PCLO: variants seen among roughly 807,000 people sequenced by gnomAD.
The protein encoded by PCLO is piccolo presynaptic cytomatrix protein.
PCLO carries 82 observed loss-of-function variants against 427.5 expected under a neutral mutation model. The ratio of observed to expected loss-of-function variants is 0.19; its 90% CI spans 0.16 to 0.23. The LOEUF (loss-of-function observed/expected upper bound fraction) is 0.23. Ranked by LOEUF, PCLO falls within the 10% of genes least tolerant of loss-of-function variation. The pLI, the probability that PCLO is intolerant of heterozygous loss-of-function variation, is 1.00. For synonymous variants in PCLO, 2,357 were observed against 2,155.4 expected (o/e 1.09, Z -2.59); for missense variants, 6,239 against 6,115.9 (o/e 1.02, Z -0.67).
rs186037103 is a variant in PCLO, at chr7:82,972,915, C to T, written c.3301-6428G>A. Among the ~76,000 whole-genome samples, 287 of 152,142 alleles carry T rather than the reference C, an allele frequency of 1.9e-3. 11 individuals carry two copies. Among genetic ancestry groups the T allele is most frequent in the Non-Finnish European group, 2.1e-3 (143 of 67,928 alleles). ...ACACCAATTGGGGAGCAATGTTACC[C>T]GTAACTTGTCATTTTTATCAATGTT... On this transcript the variant is annotated intron_variant, in intron 3 of 24. Coordinates refer to ENST00000333891, the MANE Select transcript of PCLO (RefSeq NM_033026.6).
Position 83,134,235 on chromosome 7 carries a change from A to G in PCLO, c.3300+15T>C. ...CCATATGTAATATATATATATATAT[A>G]TATATATAACTTACCTCAGTCAAAT... On this transcript the variant is annotated intron_variant, in intron 3 of 24. Transcript: ENST00000333891. 1 of 799,726 alleles carries G rather than the reference A, an allele frequency of 1.3e-6. No homozygotes were observed. Among genetic ancestry groups the G allele is most frequent in the Non-Finnish European group, 1.8e-6 (1 of 557,196 alleles). 49.5% of individuals were successfully genotyped at this position (799,726 alleles called of 1,614,324 possible).
intron 10 of PCLO, among the ~76,000 whole-genome samples, chr7:82,856,589 T>C (rs1411867888): frequency 6.6e-6 from 1 of 152,154 alleles, no homozygotes; most frequent in Non-Finnish European, 1.5e-5. Context: ...GATTGGCCCC[T>C]AGAAAATAAT....
At chr7:83,040,797 C>A (rs1273244452) in intron 3 of PCLO, among the ~76,000 whole-genome samples, 1 of 152,082 alleles carries the variant, frequency 6.6e-6, no homozygotes, top group Admixed American at 6.6e-5. Flanking sequence ...GTTTCTCCCC[C>A]GCAGGCAAAA....
chr7:82,874,038 T>C (rs1793306075), intron 10 of PCLO, among the ~76,000 whole-genome samples: 1 of 152,208 alleles, frequency 6.6e-6, no homozygotes, highest in African/African-American at 2.4e-5. Context: ...GAAATATTGA[T>C]GCTGTCTTAA....
rs948442703 is a variant in PCLO, at chr7:82,916,156, G to A, written c.11830C>T (p.Pro3944Ser). The stretch of plus-strand genomic sequence containing the variant: ...AACTGATAAGAAGGCTGTGGGGTTG[G>A]TGTAGGTTGAACTTGAGGTGTGAAG... ...MSFTPQVQPTPTPQPSYQLPS... is the reference protein window; with the variant it reads ...MSFTPQVQPTSTPQPSYQLPS... The change falls in exon 7 of 25, where the codon CCA (proline) becomes TCA (serine). Residue 3944 changes from proline to serine, a missense_variant. Pro to Ser is a moderately conservative substitution (Grantham distance 74). Around this residue, in one of 5 missense-constraint regions of PCLO, gnomAD observed 680 missense variants for 677.3 expected, o/e 1.00. Coordinates refer to ENST00000333891, the MANE Select transcript of PCLO (RefSeq NM_033026.6). 2 of 1,613,520 alleles carry A rather than the reference G, an allele frequency of 1.2e-6. No homozygotes were observed. The highest frequency in any genetic ancestry group is 1.7e-6 in the Non-Finnish European group (2 of 1,179,734).
chr7:82,853,854 C>T (rs1365812316), intron 10 of PCLO, among the ~76,000 whole-genome samples: 1 of 152,072 alleles, frequency 6.6e-6, no homozygotes, highest in Non-Finnish European at 1.5e-5. Context: ...TAGGTGACTG[C>T]TCTAGTTTTA....
At chr7:82,854,002 C>A (rs923065679) in intron 10 of PCLO, among the ~76,000 whole-genome samples, 1 of 152,112 alleles carries the variant, frequency 6.6e-6, no homozygotes, top group African/African-American at 2.4e-5. Flanking sequence ...GATCCTAAAA[C>A]TTCCATTTTG....
intron 6 of PCLO, among the ~76,000 whole-genome samples, chr7:82,919,798 A>G (rs991016020): frequency 6.6e-6 from 1 of 151,992 alleles, no homozygotes; most frequent in African/African-American, 2.4e-5. Flanking sequence ...TCCACAGCAT[A>G]AATTTTCTTT....
At chr7:83,025,116 C>T (rs1300151200) in intron 3 of PCLO, among the ~76,000 whole-genome samples, 2 of 152,218 alleles carry the variant, frequency 1.3e-5, no homozygotes, top group East Asian at 3.9e-4. Flanking sequence ...ACGACTTTGA[C>T]GAGCTGAGAG....
In PCLO at chr7:82,966,110, C is replaced by A. The variant is rs760090601; in HGVS notation, c.3678G>T (p.Lys1226Asn). ...GTGGCTTTTTTTCTTCAGAACGTAT[C>A]TTTTCTTCTTCAGGGATTAGTTTTT... Reference protein sequence around the residue: ...EEKKLIPEEEKIRSEEKKPLL... With the variant: ...EEKKLIPEEENIRSEEKKPLL... The change falls in exon 4 of 25, where the codon AAG becomes AAT. Residue 1226 changes from lysine (K) to asparagine (N), a missense_variant. Physicochemically the swap from Lys to Asn is moderately conservative, Grantham distance 94. Around this residue, in one of 5 missense-constraint regions of PCLO, gnomAD observed 4,677 missense variants for 4,468.4 expected, o/e 1.05. Coordinates refer to ENST00000333891, the MANE Select transcript of PCLO (RefSeq NM_033026.6). The A allele has an allele frequency of 2.5e-6, 4 of 1,601,804 alleles. No individual in the cohort carries two copies. The South Asian group carries it at 3.4e-5, about 13-fold the overall frequency.
At chr7:82,882,653 T>C (rs952164134) in intron 9 of PCLO, among the ~76,000 whole-genome samples, 10 of 152,120 alleles carry the variant, frequency 6.6e-5, no homozygotes, top group Non-Finnish European at 1.2e-4. Context: ...TTGGGATATT[T>C]ATAGAAAAGA....
chr7:82,977,560 C>T (rs1464660396), intron 3 of PCLO, among the ~76,000 whole-genome samples: 1 of 151,630 alleles, frequency 6.6e-6, no homozygotes. Context: ...TTACAGGTGC[C>T]CACCACCACA....
At chr7:83,102,345 C>A (rs183048475) in intron 3 of PCLO, among the ~76,000 whole-genome samples, 198 of 151,990 alleles carry the variant, frequency 1.3e-3, no homozygotes, top group African/African-American at 4.4e-3. Context: ...TCCAAACCAT[C>A]CACCTAACAA....
At chr7:83,076,326 G>A (rs1325557259) in intron 3 of PCLO, among the ~76,000 whole-genome samples, 1 of 151,836 alleles carries the variant, frequency 6.6e-6, no homozygotes, top group Admixed American at 6.6e-5. Flanking sequence ...GCGGAGTGCA[G>A]TGGCAAGATC....
chr7:82,792,648 C>T (rs1277943150), intron 22 of PCLO, among the ~76,000 whole-genome samples: 3 of 151,988 alleles, frequency 2.0e-5, no homozygotes, highest in African/African-American at 2.4e-5. Flanking sequence ...TTTTTGACTT[C>T]TTTTTTAAAA....
intron 3 of PCLO, among the ~76,000 whole-genome samples, chr7:83,122,286 C>CTTTTTTTTTTTTTTTTT (rs71074624): frequency 1.3e-4 from 17 of 128,290 alleles, no homozygotes; most frequent in South Asian, 2.4e-4. Flanking sequence ...CTTTTCTTTT[C>CTTTTTTTTTTTTTTTTT]TTTTTTTTTT....
At chr7:83,112,160 C>T (rs1297653987) in intron 3 of PCLO, among the ~76,000 whole-genome samples, 2 of 152,074 alleles carry the variant, frequency 1.3e-5, no homozygotes, top group African/African-American at 4.8e-5. Flanking sequence ...CGGGTTCAAG[C>T]AATTCTCCTG....
In PCLO at chr7:83,095,487, TA is replaced by T. The variant is rs549050886; in HGVS notation, c.3300+38762del. On this transcript the variant is annotated intron_variant, in intron 3 of 24. Coordinates refer to ENST00000333891, the MANE Select transcript of PCLO (RefSeq NM_033026.6). The stretch of plus-strand genomic sequence containing the variant: ...TACTTGCTTTTGATTTATTTTGCTC[TA>T]TTTTTTTTAGGTTCTTAAGGTAGGA... Among the ~76,000 whole-genome samples the T allele has an allele frequency of 5.3e-5, 8 of 152,032 alleles. No homozygotes were observed. In the South Asian group the frequency reaches 1.4e-3, roughly 28 times the overall value.
At chr7:83,152,186 A>T (rs534711662) in intron 2 of PCLO, among the ~76,000 whole-genome samples, 1 of 151,806 alleles carries the variant, frequency 6.6e-6, no homozygotes, top group Non-Finnish European at 1.5e-5. Context: ...GGATGGTCTC[A>T]ATCTCCTGAC....
Sources: gnomAD v4.1 joint callset for allele counts (sites outside exome capture counted in the v4.1 genomes callset) on GRCh38, gnomAD v4.1.1 for gene constraint, gnomAD v4.1.1 regional missense constraint, MANE v1.5 for transcripts, NCBI Gene and HGNC (gene_info 2026-07-23, HGNC 2026-07-21) for gene names.